PODNL1: variants seen among roughly 807,000 people sequenced by gnomAD.
The protein encoded by PODNL1 is podocan-like protein 1.
A neutral mutation model predicts 45.1 loss-of-function variants in PODNL1; 50 were observed. That is an observed-to-expected ratio of 1.11 (90% confidence interval 0.88 to 1.40). The LOEUF is 1.40. Among genes scored for constraint, PODNL1 ranks in the 40% most tolerant of loss-of-function variants. The pLI, the probability that PODNL1 is intolerant of heterozygous loss-of-function variation, is 0.00. For synonymous variants in PODNL1, 406 were observed against 372.5 expected, an observed-to-expected ratio of 1.09 and a Z score of -1.04; for missense variants, 788 against 793.3, an observed-to-expected ratio of 0.99 and a Z score of 0.08.
At chr19:13,932,134 G>C in intron 8 of PODNL1, 22 bp from the exon 9 acceptor site, 1 of 1,234,312 alleles carries the variant, frequency 8.1e-7, no homozygotes, top group Non-Finnish European at 1.0e-6. Context: ...GTTATAGATG[G>C]CATCGTGGCA....
upstream of PODNL1, chr19:13,938,585 C>T: frequency 2.0e-6 from 1 of 508,268 alleles, no homozygotes; most frequent in Non-Finnish European, 2.6e-6. Context: ...ATGGGGGGAG[C>T]TTCGGGGCAC....
At chr19:13,938,062 G>T in intron 1 of PODNL1, 56 bp from the exon 2 acceptor site, 1 of 1,455,678 alleles carries the variant, frequency 6.9e-7, no homozygotes, top group Non-Finnish European at 9.3e-7. Flanking sequence ...TCGCCATGGT[G>T]ACTGGAGCAT....
chr19:13,931,988 G>C lies in PODNL1; in HGVS notation c.1550C>G (p.Pro517Arg). 1 of 1,232,206 alleles carries C rather than the reference G, an allele frequency of 8.1e-7. No individual in the cohort carries two copies. Among genetic ancestry groups the C allele is most frequent in the Non-Finnish European group, 1.0e-6 (1 of 988,004 alleles). The allele number at this position is 1,232,206 out of a possible 1,614,324, so 76.3% of individuals were successfully genotyped here. A position where few individuals can be genotyped will look rare whatever the true frequency, so the allele number is the denominator to read the frequency against. Residue 517 changes from proline (P) to arginine (R), a missense_variant, in exon 9 of 10, where the codon CCC becomes CGC. Pro to Arg is a moderately radical substitution (Grantham distance 103). This residue lies in a region of PODNL1 where 762 missense variants were observed against 750.9 expected (regional missense o/e 1.01). Coordinates refer to ENST00000588872, the MANE Select transcript of PODNL1 (RefSeq NM_001370095.3). ...CCTGAGGAAGAGGGCACGCAGGCGG[G>C]GTGTGCTGAGGAAGGCCTCGGGGCC... The part of the protein sequence containing the change: ...HVGPEAFLST[P>R]RLRALFLRAN...
chr19:13,938,011 G>T lies in PODNL1; in HGVS notation c.4-5C>A, dbSNP rs922958997. ...GAGCAGCAGCAGGCTCGGCCACTGC[G>T]GGGGAGGGAGGGTCAGCGTGTCTCC... On this transcript the variant is annotated splice_polypyrimidine_tract_variant and splice_region_variant and intron_variant, in intron 1 of 9. Transcript: ENST00000588872. The T allele has an allele frequency of 6.6e-7, 1 of 1,507,786 alleles. No individual in the cohort carries two copies. Among genetic ancestry groups the T allele is most frequent in the Non-Finnish European group, 8.9e-7 (1 of 1,117,432 alleles). 93.4% of individuals were successfully genotyped at this position (1,507,786 alleles called of 1,614,324 possible).
chr19:13,934,784 T>C (rs1424091393), intron 5 of PODNL1, among the ~76,000 whole-genome samples: 1 of 151,844 alleles, frequency 6.6e-6, no homozygotes. Context: ...TAAGTGTGCA[T>C]GGGTGAGTGT....
rs1334500193 is a variant in PODNL1 at position 13,936,413 on chromosome 19, A to G, written c.273T>C (p.Ser91=). ...ELPYNELSRL[S]GLRTLNLHNN... ...TGTGGAGGTTGAGGGTTCGCAGGCC[A>G]CTGAGGCGGGACAGCTCATTGTAGG... The change falls in exon 3 of 10, where the codon AGT becomes AGC. Residue 91 remains serine (S), a synonymous_variant. Transcript: ENST00000588872. 4.3e-6 allele frequency: 7 copies of G among 1,613,548 alleles called. No individual in the cohort carries two copies. Among genetic ancestry groups the G allele is most frequent in the Non-Finnish European group, 5.9e-6 (7 of 1,179,688 alleles).
At position 13,933,388 on chromosome 19, in the gene PODNL1, G is replaced by A. The variant is rs769322459; in HGVS notation, c.835C>T (p.Pro279Ser). The change falls in exon 8 of 10, where the codon CCC (proline) becomes TCC (serine). Residue 279 changes from proline to serine, a missense_variant. Physicochemically the swap from Pro to Ser is moderately conservative, Grantham distance 74. This residue lies in a region of PODNL1 where 762 missense variants were observed against 750.9 expected (regional missense o/e 1.01). Transcript: ENST00000588872. The surrounding 1 kb of genome is among the most constrained non-coding windows in gnomAD (Gnocchi z 5.2). Reference sequence around the variant, plus strand: ...AGGTGCAGGATAGCCAGGGTCCGGGGCAGGCCGGCGGGCACTGTGGTCAGC... The same window carrying A: ...AGGTGCAGGATAGCCAGGGTCCGGGACAGGCCGGCGGGCACTGTGGTCAGC... ...NQLTTVPAGL[P>S]RTLAILHLGR... The A allele has an allele frequency of 3.1e-6, 5 of 1,606,342 alleles. No homozygotes were observed. Among genetic ancestry groups the A allele is most frequent in the Admixed American group, 1.7e-5 (1 of 59,708 alleles).
At chr19:13,941,454 A>T (rs1167177801), upstream of PODNL1, among the ~76,000 whole-genome samples, 2 of 151,984 alleles carry the variant, frequency 1.3e-5, no homozygotes, top group East Asian at 3.9e-4. Flanking sequence ...AGAGCTTGAG[A>T]CAAGGATTGA....
At chr19:13,935,136 CTGTG>C (rs1019555179) in intron 5 of PODNL1, among the ~76,000 whole-genome samples, 9 of 149,448 alleles carry the variant, frequency 6.0e-5, no homozygotes, top group African/African-American at 2.0e-4. Flanking sequence ...GTATGTGAGT[CTGTG>C]TAAGTGTGTG....
chr19:13,940,396 C>A (rs183867911), upstream of PODNL1, among the ~76,000 whole-genome samples: 1 of 147,024 alleles, frequency 6.8e-6, no homozygotes, highest in Admixed American at 6.9e-5. Context: ...ACTGTGAAAC[C>A]CCATCTCTAC....
chr19:13,952,391 A>G (rs975464363), intron 1 of PODNL1: 68 of 1,193,898 alleles, frequency 5.7e-5, no homozygotes, highest in Non-Finnish European at 6.9e-5. Context: ...ATGGACAGGC[A>G]TAGCGCGAGT....
At chr19:13,934,905 A>G (rs181007969) in intron 5 of PODNL1, among the ~76,000 whole-genome samples, 2,690 of 151,252 alleles carry the variant, frequency 0.018, 88 homozygotes, top group African/African-American at 0.062. Context: ...ATGTATGTCC[A>G]TGTGTGCATG....
In PODNL1 at chr19:13,935,740, C is replaced by G; in HGVS notation, c.475G>C (p.Gly159Arg). The stretch of plus-strand genomic sequence containing the variant: ...GTCTACCTGAGTGCCGGCTTCTCCC[C>G]AAAGGTGAGGGGGAAGATCTCCATC... ...QVMEIFPLTF[G>R]EKPALRSVYL... The change falls in exon 5 of 10, where the codon GGG (glycine) becomes CGG (arginine). Residue 159 changes from glycine (G) to arginine (R), a missense_variant. Physicochemically the swap from Gly to Arg is moderately radical, Grantham distance 125. This residue lies in a region of PODNL1 where 762 missense variants were observed against 750.9 expected (regional missense o/e 1.01). Transcript: ENST00000588872. 3 of 1,582,230 alleles carry G rather than the reference C, an allele frequency of 1.9e-6. No individual in the cohort carries two copies. The South Asian group carries it at 3.5e-5, about 18-fold the overall frequency.
At chr19:13,952,456 G>T in intron 1 of PODNL1, 1 of 1,245,408 alleles carries the variant, frequency 8.0e-7, no homozygotes. Flanking sequence ...CAATGAGGAG[G>T]CGGCAGGGGT....
rs1257834206 is a variant in PODNL1 at position 13,944,677 on chromosome 19, A to G, written c.19-6671T>C. Among the ~76,000 whole-genome samples, 3 of 151,162 alleles carry G rather than the reference A, an allele frequency of 2.0e-5. No individual in the cohort carries two copies. The East Asian group carries it at 5.9e-4, about 30-fold the overall frequency. ...TTGCCAAGTTGGCCAGGCTGGTTTC[A>G]AACTCCTGACCTCAATGATCCGCCC... is the stretch of plus-strand genomic sequence containing the variant. On this transcript the variant is annotated intron_variant, in intron 1 of 7. Coordinates refer to the PODNL1 transcript ENST00000538371.
chr19:13,945,175 G>A (rs1458183398), intron 1 of PODNL1, among the ~76,000 whole-genome samples: 3 of 152,090 alleles, frequency 2.0e-5, no homozygotes, highest in Non-Finnish European at 4.4e-5. Flanking sequence ...TTGGGGCCAT[G>A]GGCATGCACC....
At chr19:13,947,987 G>A (rs1292494305) in intron 1 of PODNL1, among the ~76,000 whole-genome samples, 2 of 152,020 alleles carry the variant, frequency 1.3e-5, no homozygotes, top group Non-Finnish European at 2.9e-5. Context: ...AGCCTCCCAA[G>A]TAGCTGGGAG....
At position 13,938,412 on chromosome 19, in the gene PODNL1, C is replaced by T. The variant is rs1972526987; in HGVS notation, c.-231G>A. ...GCCGGATGGGGTGGTGAGGACAGGC[C>T]AGCCCGTCCCCTTGGTCCCCCCCAA... On this transcript the variant is annotated 5_prime_UTR_variant, in exon 1 of 10. Transcript: ENST00000588872. The T allele has an allele frequency of 1.5e-6, 2 of 1,337,206 alleles. No homozygotes were observed. The highest frequency in any genetic ancestry group is 2.8e-5 in the East Asian group (1 of 36,000). The allele number at this position is 1,337,206 out of a possible 1,614,324, so 82.8% of individuals were successfully genotyped here. A position where few individuals can be genotyped will look rare whatever the true frequency, so the allele number is the denominator to read the frequency against.
rs1483316106 is a variant in PODNL1, at chr19:13,935,787, G to A, written c.428C>T (p.Ala143Val). The A allele has an allele frequency of 1.4e-5, 22 of 1,598,302 alleles. No homozygotes were observed. The highest frequency in any genetic ancestry group is 1.8e-5 in the Non-Finnish European group (21 of 1,175,482). ...CATCACTTGGTTGGCAGCCAGATCCGCGACACGGAGGGACCGGGGCAGAAA... is the reference window on the plus strand; with the variant it reads ...CATCACTTGGTTGGCAGCCAGATCCACGACACGGAGGGACCGGGGCAGAAA... Reference protein sequence around the residue: ...PQFLPRSLRVADLAANQVMEI... With the variant: ...PQFLPRSLRVVDLAANQVMEI... The change falls in exon 5 of 10, where the codon GCG (alanine) becomes GTG (valine). Residue 143 changes from alanine (A) to valine (V), a missense_variant. By Grantham distance (64) the Ala-to-Val change is moderately conservative. Around this residue, in one of 3 missense-constraint regions of PODNL1, gnomAD observed 762 missense variants for 750.9 expected, o/e 1.01. Coordinates refer to ENST00000588872, the MANE Select transcript of PODNL1 (RefSeq NM_001370095.3).
Sources: gnomAD v4.1 joint callset for allele counts (sites outside exome capture counted in the v4.1 genomes callset) on GRCh38, gnomAD v4.1.1 for gene constraint, gnomAD v4.1.1 regional missense constraint, Gnocchi (gnomAD v3.1) non-coding constraint, MANE v1.5 for transcripts, NCBI Gene and HGNC (gene_info 2026-07-23, HGNC 2026-07-21) for gene names.